DNAH9: variants seen among roughly 807,000 people sequenced by gnomAD.
DNAH9 encodes the protein dynein axonemal heavy chain 9, also known as DNAH9 variant protein.
DNAH9 carries 345 observed loss-of-function variants against 471.6 expected under a neutral mutation model. The observed-to-expected ratio is 0.73, with a 90% CI of 0.67 to 0.80. The LOEUF (loss-of-function observed/expected upper bound fraction) is 0.80, where lower values mean the gene tolerates loss of function less well. Ranked by LOEUF, DNAH9 falls within the 30% of genes least tolerant of loss-of-function variation. The pLI is 0.00. For synonymous variants in DNAH9, 2,093 were observed against 2,123.6 expected (o/e 0.99, Z 0.40); for missense variants, 5,407 against 5,609.2 (o/e 0.96, Z 1.15).
intron 65 of DNAH9, among the ~76,000 whole-genome samples, chr17:11,935,908 A>G (rs1974696835): frequency 6.6e-6 from 1 of 152,164 alleles, no homozygotes; most frequent in Non-Finnish European, 1.5e-5. Flanking sequence ...AATAAGAGGA[A>G]ATGTTTTTAA....
At chr17:11,781,497 C>G (rs1474978566) in intron 39 of DNAH9, among the ~76,000 whole-genome samples, 1 of 152,232 alleles carries the variant, frequency 6.6e-6, no homozygotes, top group Non-Finnish European at 1.5e-5. Flanking sequence ...ACCACTTCCC[C>G]TGCACCATGG....
intron 49 of DNAH9, among the ~76,000 whole-genome samples, chr17:11,852,257 G>A (rs8067376): frequency 0.4 from 60,917 of 152,052 alleles, 12,605 homozygotes; most frequent in Admixed American, 0.55. Flanking sequence ...CAAAGTTAGC[G>A]CCATAAGCAA....
rs146021813 is a variant in DNAH9 at position 11,709,526 on chromosome 17, A to G, written c.5552+4341A>G. ...TTAATCAAATGGACAATTGATCCATACAACCTTTGCACATTCATTAAAAGC... is the reference window on the plus strand; with the variant it reads ...TTAATCAAATGGACAATTGATCCATGCAACCTTTGCACATTCATTAAAAGC... On this transcript the variant is annotated intron_variant, in intron 26 of 68. Transcript: ENST00000262442. Among the ~76,000 whole-genome samples, 516 of 152,274 alleles carry G rather than the reference A, an allele frequency of 3.4e-3. 4 individuals carry two copies. Among genetic ancestry groups the G allele is most frequent in the African/African-American group, 0.012 (486 of 41,560 alleles).
intron 60 of DNAH9, among the ~76,000 whole-genome samples, chr17:11,903,910 T>TAAGAAAG (rs113496011): frequency 6.7e-6 from 1 of 149,004 alleles, no homozygotes; most frequent in Non-Finnish European, 1.5e-5. Flanking sequence ...GACTCCATTT[T>TAAGAAAG]AAAAAAGAAA....
At chr17:11,729,172 A>G (rs1440075990) in intron 28 of DNAH9, among the ~76,000 whole-genome samples, 3 of 152,168 alleles carry the variant, frequency 2.0e-5, no homozygotes, top group Non-Finnish European at 2.9e-5. Flanking sequence ...GGGCAAGTCA[A>G]GAGTCTCTCC....
At chr17:11,759,104 T>G (rs1181870976) in intron 35 of DNAH9, among the ~76,000 whole-genome samples, 113 of 147,228 alleles carry the variant, frequency 7.7e-4, no homozygotes, top group Non-Finnish European at 1.4e-3. Context: ...TTTTTCTTTT[T>G]TTGAGTTTTA....
At chr17:11,947,743 A>G (rs1403989834) in intron 67 of DNAH9, among the ~76,000 whole-genome samples, 1 of 147,936 alleles carries the variant, frequency 6.8e-6, no homozygotes. Context: ...AGCCATGGCC[A>G]GCCCAGAATC....
At chr17:11,866,058 G>A (rs1972042170) in intron 50 of DNAH9, among the ~76,000 whole-genome samples, 1 of 152,224 alleles carries the variant, frequency 6.6e-6, no homozygotes. Context: ...TATTGCTGGT[G>A]AGGAACTGTG....
intron 22 of DNAH9, among the ~76,000 whole-genome samples, chr17:11,696,318 A>G (rs1436016789): frequency 6.6e-6 from 1 of 152,072 alleles, no homozygotes; most frequent in Non-Finnish European, 1.5e-5. Context: ...TATCTCCCTC[A>G]TTTTTTAATA....
intron 50 of DNAH9, among the ~76,000 whole-genome samples, chr17:11,863,403 T>C (rs1897371319): frequency 6.6e-6 from 1 of 152,166 alleles, no homozygotes; most frequent in Admixed American, 6.5e-5. Flanking sequence ...CTTTTTGATG[T>C]GCTGCTGGAT....
chr17:11,830,911 T>C (rs1567833129), intron 48 of DNAH9, among the ~76,000 whole-genome samples: 1 of 152,074 alleles, frequency 6.6e-6, no homozygotes, highest in Non-Finnish European at 1.5e-5. Flanking sequence ...TAAGCCCCAC[T>C]GAAACTATAA....
chr17:11,885,084 A>T (rs1275245177), intron 56 of DNAH9, among the ~76,000 whole-genome samples: 2 of 152,162 alleles, frequency 1.3e-5, no homozygotes, highest in Non-Finnish European at 1.5e-5. Flanking sequence ...CTTGAAGGCC[A>T]CTGTATTCTA....
intron 38 of DNAH9, among the ~76,000 whole-genome samples, chr17:11,771,738 T>C (rs1311360169): frequency 6.6e-6 from 1 of 152,202 alleles, no homozygotes; most frequent in Non-Finnish European, 1.5e-5. Flanking sequence ...GATTACCAGC[T>C]CTGCCCATTT....
intron 45 of DNAH9, among the ~76,000 whole-genome samples, chr17:11,819,735 G>C (rs1301367451): frequency 1.3e-5 from 2 of 152,186 alleles, no homozygotes; most frequent in Non-Finnish European, 2.9e-5. Flanking sequence ...GAACCAGAAA[G>C]AGTGATTTGT....
chr17:11,790,965 A>G (rs1369625802), intron 41 of DNAH9, among the ~76,000 whole-genome samples: 3 of 152,034 alleles, frequency 2.0e-5, no homozygotes, highest in Non-Finnish European at 4.4e-5. Context: ...AATTCTCTGT[A>G]TTTTGAAAAC....
Position 11,768,472 on chromosome 17 carries a change from A to T in DNAH9, c.7190A>T (p.Glu2397Val). 1 of 1,613,968 alleles carries T rather than the reference A, an allele frequency of 6.2e-7. No homozygotes were observed. Among genetic ancestry groups the T allele is most frequent in the Non-Finnish European group, 8.5e-7 (1 of 1,179,866 alleles). ...VQDQLVDYRA[E>V]FSKWWLTEFK... ...TTGCAGCTTGTGGACTACCGGGCAG[A>T]GTTCAGCAAATGGTGGCTGACTGAG... is the stretch of plus-strand genomic sequence containing the variant. The change falls in exon 37 of 69, where the codon GAG becomes GTG. Residue 2397 changes from glutamate (E) to valine (V), a missense_variant. Coordinates refer to ENST00000262442, the MANE Select transcript of DNAH9 (RefSeq NM_001372.4).
chr17:11,925,842 T>C (rs1377501821), intron 62 of DNAH9, among the ~76,000 whole-genome samples: 4 of 151,956 alleles, frequency 2.6e-5, no homozygotes, highest in African/African-American at 7.3e-5. Flanking sequence ...GAATAAAGCA[T>C]TGGAGTATTG....
chr17:11,758,668 G>A lies in DNAH9; in HGVS notation c.6995+976G>A, dbSNP rs146484097. Among the ~76,000 whole-genome samples, 15 of 152,248 alleles carry A rather than the reference G, an allele frequency of 9.9e-5. No individual in the cohort carries two copies. In the East Asian group the frequency reaches 2.5e-3, roughly 25 times the overall value. On this transcript the variant is annotated intron_variant, in intron 35 of 68. Coordinates refer to ENST00000262442, the MANE Select transcript of DNAH9 (RefSeq NM_001372.4). ...GGGAGCACTTCAGACTGCAGGAAACGATACTGCAACAGGGCTCCAGGTGCT... is the reference window on the plus strand; with the variant it reads ...GGGAGCACTTCAGACTGCAGGAAACAATACTGCAACAGGGCTCCAGGTGCT...
chr17:11,943,376 G>A (rs1449123094), intron 67 of DNAH9, among the ~76,000 whole-genome samples: 2 of 152,032 alleles, frequency 1.3e-5, no homozygotes, highest in South Asian at 2.1e-4. Flanking sequence ...ATGATGAAAC[G>A]GACTGCAAAA....
Sources: allele counts gnomAD v4.1 joint callset (sites outside exome capture counted in the v4.1 genomes callset), GRCh38; gene constraint gnomAD v4.1.1; transcripts MANE v1.5; gene names NCBI Gene and HGNC (gene_info 2026-07-23, HGNC 2026-07-21).